Variants in PTCSC3 observed in about 807,000 individuals in gnomAD.
The protein encoded by PTCSC3 is papillary thyroid carcinoma susceptibility candidate 3, also known as papillary thyroid carcinoma susceptibility candidate 3 (non-protein coding).
At chr14:36,141,202 G>A (rs1181657179) in intron 3 of PTCSC3, among the ~76,000 whole-genome samples, 1 of 152,016 alleles carries the variant, frequency 6.6e-6, no homozygotes, top group African/African-American at 2.4e-5. Flanking sequence ...CTTTGATATT[G>A]TATTGGCTCT....
chr14:36,176,363 A>G (rs890294315), exon 1 of PTCSC3: 2 of 151,556 alleles, frequency 1.3e-5, no homozygotes, highest in Admixed American at 6.6e-5. Context: ...TTGGCCTTTG[A>G]CCTGGTCTCT....
intron 2 of PTCSC3, among the ~76,000 whole-genome samples, chr14:36,159,742 G>A (rs967675876): frequency 6.6e-6 from 1 of 152,186 alleles, no homozygotes; most frequent in African/African-American, 2.4e-5. Context: ...GGAGAGTTCT[G>A]TAGATGTCTG....
At chr14:36,172,644 T>C (rs1882211119) in intron 1 of PTCSC3, among the ~76,000 whole-genome samples, 5 of 152,170 alleles carry the variant, frequency 3.3e-5, no homozygotes. Flanking sequence ...ACTGCATTTA[T>C]AGTGTCTCAA....
At chr14:36,157,210 CT>C (rs1259270079) in intron 2 of PTCSC3, among the ~76,000 whole-genome samples, 1 of 152,132 alleles carries the variant, frequency 6.6e-6, no homozygotes, top group East Asian at 1.9e-4. Flanking sequence ...TAAATGTCTC[CT>C]TTTGAGGAGT....
At chr14:36,163,162 T>A (rs1860769613) in intron 1 of PTCSC3, among the ~76,000 whole-genome samples, 1 of 151,874 alleles carries the variant, frequency 6.6e-6, no homozygotes, top group African/African-American at 2.4e-5. Context: ...TACTTGAGCC[T>A]AGGGGTCTGA....
intron 3 of PTCSC3, among the ~76,000 whole-genome samples, chr14:36,147,698 C>T (rs904327851): frequency 6.6e-6 from 1 of 152,022 alleles, no homozygotes; most frequent in Non-Finnish European, 1.5e-5. Flanking sequence ...TGTTCCTTTG[C>T]TGGTGAGGAA....
intron 2 of PTCSC3, among the ~76,000 whole-genome samples, chr14:36,159,964 T>C (rs1423274215): frequency 6.6e-6 from 1 of 152,180 alleles, no homozygotes; most frequent in Non-Finnish European, 1.5e-5. Context: ...AATTGATCCC[T>C]TTACCATTAT....
intron 3 of PTCSC3, among the ~76,000 whole-genome samples, chr14:36,149,193 ATTTTT>A (rs1183613738): frequency 7.2e-5 from 11 of 151,934 alleles, no homozygotes; most frequent in Admixed American, 7.2e-4. Context: ...GATAAATTGT[ATTTTT>A]ATTTTCATTT....
At chr14:36,168,479 G>A (rs1882137637) in intron 1 of PTCSC3, among the ~76,000 whole-genome samples, 3 of 150,260 alleles carry the variant, frequency 2.0e-5, no homozygotes, top group Admixed American at 6.7e-5. Context: ...AGCTAGTTAA[G>A]GTTGGAAGGA....
intron 1 of PTCSC3, among the ~76,000 whole-genome samples, chr14:36,168,147 T>C (rs1882128463): frequency 6.6e-6 from 1 of 151,966 alleles, no homozygotes; most frequent in African/African-American, 2.4e-5. Context: ...TTTTCTATCT[T>C]GATATTTTCT....
At position 36,143,525 on chromosome 14, in the gene PTCSC3, T is replaced by A. The variant is rs1431597709; in HGVS notation, n.323-7169A>T. On this transcript the variant is annotated intron_variant and non_coding_transcript_variant, in intron 3 of 3. Transcript: ENST00000556013. ...GGGTTGTTTGTTTTTTTCTTGTAAATTTGCTTGAGTTCATTGTAGATTCTG... is the reference window on the plus strand; with the variant it reads ...GGGTTGTTTGTTTTTTTCTTGTAAAATTGCTTGAGTTCATTGTAGATTCTG... Among the ~76,000 whole-genome samples the A allele has an allele frequency of 6.8e-3, 1,002 of 147,818 alleles. 7 individuals are homozygous for A. Among genetic ancestry groups the A allele is most frequent in the African/African-American group, 0.022 (867 of 40,238 alleles).
chr14:36,151,643 G>T (rs1000435854), intron 3 of PTCSC3, among the ~76,000 whole-genome samples: 2 of 152,070 alleles, frequency 1.3e-5, no homozygotes, highest in Non-Finnish European at 2.9e-5. Context: ...TCCCTGGGTT[G>T]TGACTTTTAG....
chr14:36,146,811 T>C (rs938321098), intron 3 of PTCSC3, among the ~76,000 whole-genome samples: 1 of 152,256 alleles, frequency 6.6e-6, no homozygotes, highest in Non-Finnish European at 1.5e-5. Flanking sequence ...TGGTTGTTCC[T>C]TTCCATATTT....
intron 3 of PTCSC3, among the ~76,000 whole-genome samples, chr14:36,151,540 C>A (rs1881723894): frequency 6.6e-6 from 1 of 152,188 alleles, no homozygotes; most frequent in East Asian, 1.9e-4. Flanking sequence ...TCCCACAGTT[C>A]TTGGATGTTC....
chr14:36,141,293 G>C (rs1594443604), intron 3 of PTCSC3, among the ~76,000 whole-genome samples: 2 of 151,844 alleles, frequency 1.3e-5, no homozygotes, highest in Non-Finnish European at 2.9e-5. Context: ...AATTTGATTT[G>C]GATTGCATTG....
intron 3 of PTCSC3, among the ~76,000 whole-genome samples, chr14:36,139,655 T>G (rs754958624): frequency 6.6e-6 from 1 of 152,180 alleles, no homozygotes; most frequent in South Asian, 2.1e-4. Context: ...AAATCAATTT[T>G]ATGTGGGTTA....
chr14:36,176,293 C>A (rs1882279088), intron 1 of PTCSC3: 1 of 151,998 alleles, frequency 6.6e-6, no homozygotes, highest in Non-Finnish European at 1.5e-5. Context: ...AACAAGAACA[C>A]TTACCACCAT....
downstream of PTCSC3, among the ~76,000 whole-genome samples, chr14:36,135,330 G>A (rs565192290): frequency 5.9e-5 from 9 of 152,274 alleles, no homozygotes; most frequent in East Asian, 1.5e-3. Flanking sequence ...GAGCCCCTGA[G>A]TAGTGGAAAA....
intron 3 of PTCSC3, among the ~76,000 whole-genome samples, chr14:36,142,501 A>G (rs1185116424): frequency 1.3e-5 from 2 of 152,170 alleles, no homozygotes. Flanking sequence ...TATTAGAATA[A>G]ATTAGTAAGT....
Sources: gnomAD v4.1 joint callset for allele counts (sites outside exome capture counted in the v4.1 genomes callset) on GRCh38, gnomAD v4.1.1 for gene constraint, MANE v1.5 for transcripts, NCBI Gene and HGNC (gene_info 2026-07-23, HGNC 2026-07-21) for gene names.